Variants in CCSER2 observed in about 807,000 individuals in gnomAD.
The protein encoded by CCSER2 is serine-rich coiled-coil domain-containing protein 2.
In CCSER2, 46 loss-of-function variants were observed where a neutral mutation model predicts 92.3. That is an observed-to-expected ratio of 0.50 (90% CI 0.39 to 0.64). The LOEUF (loss-of-function observed/expected upper bound fraction) is 0.64. Among genes scored for constraint, CCSER2 ranks in the 30% least tolerant of loss-of-function variants. CCSER2 has a pLI of 0.00. For synonymous variants in CCSER2, 433 were observed against 431.4 expected, an observed-to-expected ratio of 1.00 and a Z score of -0.04; for missense variants, 1,244 against 1,238.9, an observed-to-expected ratio of 1.00 and a Z score of -0.06.
chr10:84,328,898 GCGGAGGCCCGAACTC>G (rs1181363204), intron 1 of CCSER2, 90 bp downstream of exon 1: 3 of 152,168 alleles, frequency 2.0e-5, no homozygotes, highest in Admixed American at 6.6e-5. Flanking sequence ...CCGGGGCGGG[GCGGAGGCCCGAACTC>G]CCGGGCTGAG....
intron 7 of CCSER2, 35 bp from the exon 8 acceptor site, chr10:84,470,337 T>C (rs1053271644): frequency 2.6e-6 from 3 of 1,146,216 alleles, no homozygotes; most frequent in Non-Finnish European, 3.5e-6. Context: ...TATGGTATTT[T>C]AAATACCTCA....
At chr10:84,352,902 T>A (rs1007403463) in intron 1 of CCSER2, among the ~76,000 whole-genome samples, 1 of 152,126 alleles carries the variant, frequency 6.6e-6, no homozygotes, top group Non-Finnish European at 1.5e-5. Context: ...TTGACTCTTA[T>A]GCCTCAGCCT....
intron 3 of CCSER2, among the ~76,000 whole-genome samples, chr10:84,415,938 C>G (rs556872781): frequency 6.6e-6 from 1 of 152,152 alleles, no homozygotes; most frequent in Admixed American, 6.5e-5. Context: ...GGATTCAGCT[C>G]CACTCCTAGT....
intron 8 of CCSER2, chr10:84,473,237 T>C (rs1017765008): frequency 5.3e-5 from 8 of 152,214 alleles, no homozygotes; most frequent in African/African-American, 1.9e-4. Context: ...TTCTAGGTGG[T>C]GTGCCTAGTT....
chr10:84,423,405 G>A (rs1843251907), intron 4 of CCSER2, among the ~76,000 whole-genome samples: 1 of 152,188 alleles, frequency 6.6e-6, no homozygotes, highest in Non-Finnish European at 1.5e-5. Context: ...GTCCATGTTT[G>A]AGTTCAAGTT....
At chr10:84,411,543 C>T (rs962486249) in intron 3 of CCSER2, among the ~76,000 whole-genome samples, 18 of 152,008 alleles carry the variant, frequency 1.2e-4, no homozygotes, top group South Asian at 8.3e-4. Context: ...TGTGTTAATA[C>T]GTACGTATTC....
intron 1 of CCSER2, among the ~76,000 whole-genome samples, chr10:84,345,574 A>G (rs1032343484): frequency 7.9e-5 from 12 of 152,216 alleles, no homozygotes; most frequent in Non-Finnish European, 1.6e-4. Flanking sequence ...TTCCCAGTAA[A>G]ATGATTAGAT....
chr10:84,440,060 TAGC>T (rs1844431171), intron 6 of CCSER2, among the ~76,000 whole-genome samples: 1 of 152,168 alleles, frequency 6.6e-6, no homozygotes, highest in African/African-American at 2.4e-5. Context: ...CATGACTAAA[TAGC>T]AGCTAATAAG....
chr10:84,503,179 A>C (rs951693907), intron 9 of CCSER2, among the ~76,000 whole-genome samples: 1 of 152,248 alleles, frequency 6.6e-6, no homozygotes, highest in Admixed American at 6.5e-5. Context: ...CGTGAGCCAG[A>C]TCGCACCACT....
intron 3 of CCSER2, among the ~76,000 whole-genome samples, chr10:84,384,777 GAAA>G (rs1447329096): frequency 6.6e-6 from 1 of 152,146 alleles, no homozygotes; most frequent in African/African-American, 2.4e-5. Flanking sequence ...ACAGGCAAGA[GAAA>G]GAAGTAAAAG....
chr10:84,347,717 G>A (rs1376789365), intron 1 of CCSER2, among the ~76,000 whole-genome samples: 2 of 151,220 alleles, frequency 1.3e-5, no homozygotes, highest in African/African-American at 2.4e-5. Context: ...GCTGCTGGGC[G>A]GAGGGGCTCC....
At chr10:84,447,079 G>C (rs1223140196) in intron 6 of CCSER2, among the ~76,000 whole-genome samples, 2 of 149,322 alleles carry the variant, frequency 1.3e-5, no homozygotes, top group African/African-American at 4.9e-5. Flanking sequence ...ACATTTTCCC[G>C]GTACAACCGT....
intron 1 of CCSER2, among the ~76,000 whole-genome samples, chr10:84,349,222 C>A (rs1844724924): frequency 6.6e-6 from 1 of 152,162 alleles, no homozygotes; most frequent in African/African-American, 2.4e-5. Context: ...CACATCCATG[C>A]CTCCCACAAA....
intron 3 of CCSER2, among the ~76,000 whole-genome samples, chr10:84,398,583 T>A (rs1841961657): frequency 6.6e-6 from 1 of 152,190 alleles, no homozygotes; most frequent in Admixed American, 6.5e-5. Flanking sequence ...TTCCTCTTTA[T>A]TTCTCAGATT....
chr10:84,467,515 TTTTA>T (rs994259483), intron 7 of CCSER2, among the ~76,000 whole-genome samples: 2 of 152,020 alleles, frequency 1.3e-5, no homozygotes, highest in Non-Finnish European at 2.9e-5. Flanking sequence ...GTCTTAAACA[TTTTA>T]TTTATTTAAT....
rs996003961 is a variant in CCSER2 at position 84,515,461 on chromosome 10, A to C, written c.*1194A>C. On this transcript the variant is annotated 3_prime_UTR_variant, in exon 10 of 10. Transcript: ENST00000372088. ...TTTGTTTTTTTCTGTTTGTTTTTTG[A>C]GACAGAGTCTTGCTCCATTGCCCAG... 6.6e-6 allele frequency: 1 copy of C among 151,392 alleles called. No homozygotes were observed. Among genetic ancestry groups the C allele is most frequent in the African/African-American group, 2.4e-5 (1 of 41,236 alleles). 9.4% of individuals were successfully genotyped at this position (151,392 alleles called of 1,614,324 possible).
At chr10:84,357,491 C>T (rs1367787208) in intron 1 of CCSER2, among the ~76,000 whole-genome samples, 1 of 151,310 alleles carries the variant, frequency 6.6e-6, no homozygotes, top group Non-Finnish European at 1.5e-5. Flanking sequence ...TCTCTGTCAC[C>T]CTGGCTGGAA....
intron 6 of CCSER2, among the ~76,000 whole-genome samples, chr10:84,457,573 TTTATATATTATATATAATTATATA>T (rs2133630166): frequency 9.9e-5 from 1 of 10,152 alleles, no homozygotes; most frequent in East Asian, 2.8e-3. Context: ...TAAATTTATA[TTTATATATTATATATAATTATATA>T]TTTATATATT....
At chr10:84,346,934 C>T (rs975920389) in intron 1 of CCSER2, among the ~76,000 whole-genome samples, 7 of 151,910 alleles carry the variant, frequency 4.6e-5, no homozygotes, top group Non-Finnish European at 5.9e-5. Context: ...TGTGGCCTTC[C>T]GCAGTGTTTG....
Sources: gnomAD v4.1 joint callset for allele counts (sites outside exome capture counted in the v4.1 genomes callset) on GRCh38, gnomAD v4.1.1 for gene constraint, MANE v1.5 for transcripts, NCBI Gene and HGNC (gene_info 2026-07-23, HGNC 2026-07-21) for gene names.